Variants in ANKDD1B observed in about 807,000 individuals in gnomAD.
ANKDD1B encodes the protein ankyrin repeat and death domain containing 1B, also known as ankyrin repeat and death domain-containing protein 1B.
A neutral mutation model predicts 59.7 loss-of-function variants in ANKDD1B; 57 were observed. That is an observed-to-expected ratio of 0.95 (90% CI 0.77 to 1.19). ANKDD1B has a LOEUF of 1.19. ANKDD1B is among the 50% of genes most tolerant of loss of function. ANKDD1B has a pLI of 0.00. For synonymous variants in ANKDD1B, 216 were observed against 239.5 expected, an observed-to-expected ratio of 0.90 and a Z score of 0.91; for missense variants, 602 against 641.9, an observed-to-expected ratio of 0.94 and a Z score of 0.67.
intron 7 of ANKDD1B, among the ~76,000 whole-genome samples, chr5:75,637,971 C>T (rs575207789): frequency 1.3e-5 from 2 of 152,292 alleles, no homozygotes; most frequent in African/African-American, 4.8e-5. Context: ...CAAACAACGA[C>T]AATTATACCC....
At chr5:75,634,516 C>T (rs1774246368) in intron 5 of ANKDD1B, 1 of 163,016 alleles carries the variant, frequency 6.1e-6, no homozygotes, top group South Asian at 1.8e-4. Flanking sequence ...GTGCCTGAGA[C>T]AGGGTCTGAC....
At chr5:75,651,222 G>T (rs985568232) in intron 7 of ANKDD1B, among the ~76,000 whole-genome samples, 2 of 152,230 alleles carry the variant, frequency 1.3e-5, no homozygotes, top group Admixed American at 6.5e-5. Context: ...AAGACATATT[G>T]CAGAGGAGCC....
At chr5:75,622,014 A>G (rs944272236) in intron 3 of ANKDD1B, among the ~76,000 whole-genome samples, 2 of 152,224 alleles carry the variant, frequency 1.3e-5, no homozygotes, top group Non-Finnish European at 2.9e-5. Flanking sequence ...CTCTGTAACT[A>G]GTAAAATGTT....
intron 5 of ANKDD1B, among the ~76,000 whole-genome samples, chr5:75,633,528 G>C (rs1000481401): frequency 1.3e-5 from 2 of 152,098 alleles, no homozygotes; most frequent in Non-Finnish European, 2.9e-5. Context: ...AGTGTTAGAT[G>C]AGGCTCATAT....
chr5:75,657,052 A>T (rs897345782), intron 9 of ANKDD1B, among the ~76,000 whole-genome samples: 2 of 152,186 alleles, frequency 1.3e-5, no homozygotes, highest in Non-Finnish European at 2.9e-5. Flanking sequence ...CTATCCCAAA[A>T]GTTTTTCTGG....
rs1211187235 is a variant in ANKDD1B at position 75,663,445 on chromosome 5, G to T, written c.1147G>T (p.Val383Leu). Residue 383 changes from valine (V) to leucine (L), a missense_variant, in exon 11 of 14, where the codon GTG becomes TTG. Transcript: ENST00000601380. ...CTCCAGGAGCAACCATAGCCTTGTC[G>T]TGGGCATGCTCATTAAAGCAGAGAG... ...VASRSNHSLV[V>L]GMLIKAERYY... 8 of 1,536,400 alleles carry T rather than the reference G, an allele frequency of 5.2e-6. No individual in the cohort carries two copies. In the South Asian group the frequency reaches 9.5e-5, roughly 18 times the overall value.
intron 7 of ANKDD1B, among the ~76,000 whole-genome samples, chr5:75,645,320 T>G (rs1774613917): frequency 9.6e-6 from 1 of 104,392 alleles, no homozygotes; most frequent in African/African-American, 6.4e-5. Context: ...GCTGGTTTTT[T>G]GAAAGGATCA....
chr5:75,653,651 A>G (rs1476302006), intron 8 of ANKDD1B, among the ~76,000 whole-genome samples: 1 of 152,180 alleles, frequency 6.6e-6, no homozygotes, highest in Non-Finnish European at 1.5e-5. Flanking sequence ...TCAATTCTTC[A>G]TACTGATTTA....
chr5:75,665,970 C>T (rs561730016), intron 11 of ANKDD1B, among the ~76,000 whole-genome samples: 2 of 152,236 alleles, frequency 1.3e-5, no homozygotes, highest in Admixed American at 6.5e-5. Context: ...TGGTGGGCCA[C>T]TTGTCCTGCA....
chr5:75,628,521 TTGATATTTA>T (rs1160342574), intron 5 of ANKDD1B, among the ~76,000 whole-genome samples: 4 of 152,224 alleles, frequency 2.6e-5, no homozygotes, highest in Non-Finnish European at 5.9e-5. Flanking sequence ...TGAAATATAT[TTGATATTTA>T]AGGCATCTTC....
intron 7 of ANKDD1B, among the ~76,000 whole-genome samples, chr5:75,649,937 A>G (rs1237245596): frequency 6.6e-6 from 1 of 152,234 alleles, no homozygotes; most frequent in East Asian, 1.9e-4. Context: ...TTACCAACAT[A>G]TCCCTCCACT....
At chr5:75,615,523 A>G (rs1268067279) in intron 1 of ANKDD1B, among the ~76,000 whole-genome samples, 1 of 152,170 alleles carries the variant, frequency 6.6e-6, no homozygotes, top group African/African-American at 2.4e-5. Flanking sequence ...AGCAGACTGG[A>G]TGGCTCAAAC....
At chr5:75,651,991 A>T (rs1189792611) in intron 7 of ANKDD1B, among the ~76,000 whole-genome samples, 1 of 152,186 alleles carries the variant, frequency 6.6e-6, no homozygotes, top group Non-Finnish European at 1.5e-5. Context: ...GGTCTCATTC[A>T]TAAGGGTTCC....
Position 75,616,875 on chromosome 5 carries a change from G to T in ANKDD1B, c.265G>T (p.Glu89Ter). 1 of 1,528,672 alleles carries T rather than the reference G, an allele frequency of 6.5e-7. No homozygotes were observed. Among genetic ancestry groups the T allele is most frequent in the South Asian group, 1.2e-5 (1 of 83,734 alleles). The allele number at this position is 1,528,672 out of a possible 1,614,324, so 94.7% of individuals were successfully genotyped here. Residue 89 changes from glutamate to a stop codon, truncating the protein, a stop_gained, in exon 2 of 14, where the codon GAA becomes TAA. Transcript: ENST00000601380. LOFTEE classifies it high-confidence loss of function. ...NNLDLMEKLF[E>*]KKVNINVVNN... ...TTTGGATCTTATGGAGAAGCTGTTT[G>T]AAAAGAAGGTTAACATTAATGTTGT...
At chr5:75,653,354 T>G (rs926677805) in intron 8 of ANKDD1B, 114 bp downstream of exon 8, 27 of 696,742 alleles carry the variant, frequency 3.9e-5, no homozygotes, top group African/African-American at 3.0e-4. Flanking sequence ...AAGGGAGGAA[T>G]TCTTTCTGGG....
intron 10 of ANKDD1B, among the ~76,000 whole-genome samples, chr5:75,661,878 T>G (rs987664740): frequency 3.3e-5 from 5 of 150,426 alleles, no homozygotes; most frequent in Admixed American, 1.3e-4. Context: ...ATAAAAAATA[T>G]CTTTTCTATT....
chr5:75,625,809 C>T, intron 4 of ANKDD1B, 42 bp from the exon 5 acceptor site: 1 of 1,528,320 alleles, frequency 6.5e-7, no homozygotes, highest in Non-Finnish European at 8.8e-7. Flanking sequence ...AGAGGAAGTT[C>T]TGAGGTCACT....
intron 11 of ANKDD1B, among the ~76,000 whole-genome samples, chr5:75,666,505 G>A (rs1462458456): frequency 6.6e-6 from 1 of 152,130 alleles, no homozygotes; most frequent in Non-Finnish European, 1.5e-5. Context: ...TGCCAAGACA[G>A]CCTCTCTGTT....
intron 7 of ANKDD1B, among the ~76,000 whole-genome samples, chr5:75,636,770 A>G (rs1774314525): frequency 6.6e-6 from 1 of 152,166 alleles, no homozygotes; most frequent in South Asian, 2.1e-4. Flanking sequence ...GGTAGAGTCC[A>G]CAGGACTTGT....
Sources: allele counts gnomAD v4.1 joint callset (sites outside exome capture counted in the v4.1 genomes callset), GRCh38; gene constraint gnomAD v4.1.1; transcripts MANE v1.5; gene names NCBI Gene and HGNC (gene_info 2026-07-23, HGNC 2026-07-21).